SMYD2: variants seen among roughly 807,000 people sequenced by gnomAD.
SMYD2 encodes N-lysine methyltransferase SMYD2.
A neutral mutation model predicts 59.1 loss-of-function variants in SMYD2; 53 were observed. The observed-to-expected ratio is 0.90, with a 90% CI of 0.72 to 1.13. SMYD2 has a LOEUF of 1.13. Ranked by LOEUF, SMYD2 falls within the 50% of genes most tolerant of loss-of-function variation. The pLI is 0.00. For synonymous variants in SMYD2, 208 were observed against 198.8 expected (o/e 1.05, Z -0.39); for missense variants, 494 against 544.7 (o/e 0.91, Z 0.93).
At chr1:214,327,782 C>T in intron 7 of SMYD2, 58 bp downstream of exon 7, 1 of 1,389,890 alleles carries the variant, frequency 7.2e-7, no homozygotes, top group Non-Finnish European at 1.0e-6. Context: ...CTTTAAAAGG[C>T]AATGTGGACA....
intron 1 of SMYD2, among the ~76,000 whole-genome samples, chr1:214,294,920 G>T (rs545260433): frequency 6.6e-6 from 1 of 152,294 alleles, no homozygotes; most frequent in South Asian, 2.1e-4. Context: ...CTTTGGTTTT[G>T]TCATTTTCTT....
At chr1:214,336,275 G>A (rs1055766925) in intron 11 of SMYD2, among the ~76,000 whole-genome samples, 5 of 152,152 alleles carry the variant, frequency 3.3e-5, no homozygotes, top group Admixed American at 2.6e-4. Flanking sequence ...GCTCATGCCT[G>A]TAATCCCAGC....
rs190125924 is a variant in SMYD2, at chr1:214,312,162, G to A, written c.238-2600G>A. 2.0e-5 allele frequency among the ~76,000 whole-genome samples: 3 copies of A among 152,220 alleles called. No homozygotes were observed. The highest frequency in any genetic ancestry group is 1.9e-4 in the East Asian group (1 of 5,190). On this transcript the variant is annotated intron_variant, in intron 2 of 11. Coordinates refer to ENST00000366957, the MANE Select transcript of SMYD2 (RefSeq NM_020197.3). This position sits in a 1 kb window ranked among gnomAD's most constrained non-coding sequence, Gnocchi z 4.1. ...CCCTGCTCTTAGTTATATTTGGCGC[G>A]GCATTATTTAACTCTGCAGAACATC...
At chr1:214,310,932 G>A (rs559740566) in intron 2 of SMYD2, among the ~76,000 whole-genome samples, 6 of 152,160 alleles carry the variant, frequency 3.9e-5, no homozygotes, top group African/African-American at 1.4e-4. Context: ...AATTAAAGCT[G>A]TGCAGTGCCA....
intron 9 of SMYD2, chr1:214,331,786 G>C: frequency 7.7e-6 from 4 of 519,974 alleles, no homozygotes; most frequent in Non-Finnish European, 1.4e-5. Flanking sequence ...AGAACTAGGG[G>C]TCTGGACCCT....
chr1:214,335,670 G>A (rs888647981), intron 11 of SMYD2, among the ~76,000 whole-genome samples: 4 of 152,168 alleles, frequency 2.6e-5, no homozygotes, highest in African/African-American at 7.2e-5. Flanking sequence ...TATGCCAGGC[G>A]CTGTTCGAAA....
At position 214,318,125 on chromosome 1, in the gene SMYD2, A is replaced by T. The variant is rs754074404; in HGVS notation, c.395A>T (p.Lys132Met). The T allele has an allele frequency of 3.7e-5, 59 of 1,613,846 alleles. No homozygotes were observed. The highest frequency in any genetic ancestry group is 4.7e-5 in the Non-Finnish European group (56 of 1,180,008). Residue 132 changes from lysine (K) to methionine (M), a missense_variant, in exon 4 of 12, where the codon AAG (lysine) becomes ATG (methionine). Physicochemically the swap from Lys to Met is moderately conservative, Grantham distance 95 (BLOSUM62 -1). Transcript: ENST00000366957. This position sits in a 1 kb window ranked among gnomAD's most constrained non-coding sequence, Gnocchi z 5.4. ...CCTTCGGAAAAATTGTTAGCTGTGA[A>T]GGAGTTTGAATCACGTAAGTCTTTC... ...RTPSEKLLAV[K>M]EFESHLDKLD...
chr1:214,285,877 G>T (rs980500960), intron 1 of SMYD2, among the ~76,000 whole-genome samples: 1 of 152,198 alleles, frequency 6.6e-6, no homozygotes, highest in African/African-American at 2.4e-5. Flanking sequence ...TGTACAGCAT[G>T]TTACTGTACT....
In SMYD2 at chr1:214,332,017, C is replaced by T. The variant is rs1222684389; in HGVS notation, c.938-1C>T. The T allele has an allele frequency of 6.2e-7, 1 of 1,611,606 alleles. No individual in the cohort carries two copies. The highest frequency in any genetic ancestry group is 2.2e-5 in the East Asian group (1 of 44,860). On this transcript the variant is annotated splice_acceptor_variant, in intron 9 of 11. Transcript: ENST00000366957. LOFTEE classifies it high-confidence loss of function. ...TGGCCCTTTCCTTGACTCCACAGCACCCCCTAGTGAGCTGCTGGAGATCTG... is the reference window on the plus strand; with the variant it reads ...TGGCCCTTTCCTTGACTCCACAGCATCCCCTAGTGAGCTGCTGGAGATCTG...
intron 1 of SMYD2, among the ~76,000 whole-genome samples, chr1:214,301,787 AGC>A (rs1656828804): frequency 3.6e-5 from 5 of 140,592 alleles, no homozygotes; most frequent in Non-Finnish European, 6.3e-5. Context: ...AAAAAAAAAA[AGC>A]CAGGAATTTT....
chr1:214,324,288 C>T (rs1480415535), intron 5 of SMYD2, among the ~76,000 whole-genome samples: 1 of 152,118 alleles, frequency 6.6e-6, no homozygotes, highest in African/African-American at 2.4e-5. Flanking sequence ...GGCTTAAGAT[C>T]ATACAACAAA....
intron 3 of SMYD2, among the ~76,000 whole-genome samples, chr1:214,316,218 C>G (rs565825307): frequency 6.6e-6 from 1 of 152,120 alleles, no homozygotes; most frequent in African/African-American, 2.4e-5. Flanking sequence ...TACCTGTAAT[C>G]TTAGCACTTT....
At chr1:214,325,098 A>G (rs1284244376) in intron 6 of SMYD2, among the ~76,000 whole-genome samples, 3 of 152,246 alleles carry the variant, frequency 2.0e-5, no homozygotes, top group Non-Finnish European at 2.9e-5. Flanking sequence ...GCTTGAGTAC[A>G]GACTATATGA....
chr1:214,281,465 G>C, intron 1 of SMYD2, 38 bp downstream of exon 1: 2 of 1,341,382 alleles, frequency 1.5e-6, no homozygotes, highest in Non-Finnish European at 1.9e-6. Context: ...GCGGGAGCCG[G>C]GGGCGCCGAG....
rs1657016313 is a variant in SMYD2, at chr1:214,312,703, G to A, written c.238-2059G>A. Among the ~76,000 whole-genome samples the A allele has an allele frequency of 6.6e-6, 1 of 152,234 alleles. No individual in the cohort carries two copies. Among genetic ancestry groups the A allele is most frequent in the Admixed American group, 6.5e-5 (1 of 15,288 alleles). ...GCAGCCAGGACACTTCTGTGGCTAA[G>A]TGCAGTGAGGCAGGTGAGAGTACGG... is the stretch of plus-strand genomic sequence containing the variant. On this transcript the variant is annotated intron_variant, in intron 2 of 11. Transcript: ENST00000366957. This position sits in a 1 kb window ranked among gnomAD's most constrained non-coding sequence, Gnocchi z 4.1.
intron 2 of SMYD2, among the ~76,000 whole-genome samples, chr1:214,307,795 T>A (rs1209998320): frequency 1.3e-5 from 2 of 152,188 alleles, no homozygotes; most frequent in Non-Finnish European, 2.9e-5. Context: ...AAGCGTGCAA[T>A]GAGGGGTGTC....
intron 5 of SMYD2, among the ~76,000 whole-genome samples, chr1:214,323,441 T>C (rs1657204391): frequency 6.6e-6 from 1 of 151,450 alleles, no homozygotes; most frequent in African/African-American, 2.4e-5. Flanking sequence ...GCAACATTTC[T>C]TTTTTTTTGA....
intron 1 of SMYD2, among the ~76,000 whole-genome samples, chr1:214,304,172 G>C: frequency 6.6e-6 from 1 of 152,034 alleles, no homozygotes; most frequent in Non-Finnish European, 1.5e-5. Flanking sequence ...AAGTTGAATC[G>C]ACCCCATTAT....
In SMYD2 at chr1:214,312,579, G is replaced by A. The variant is rs954934427; in HGVS notation, c.238-2183G>A. Among the ~76,000 whole-genome samples, 1 of 152,204 alleles carries A rather than the reference G, an allele frequency of 6.6e-6. No individual in the cohort carries two copies. The highest frequency in any genetic ancestry group is 2.4e-5 in the African/African-American group (1 of 41,454). On this transcript the variant is annotated intron_variant, in intron 2 of 11. Coordinates refer to ENST00000366957, the MANE Select transcript of SMYD2 (RefSeq NM_020197.3). This position sits in a 1 kb window ranked among gnomAD's most constrained non-coding sequence, Gnocchi z 4.1. ...AGGTGACATTCCAGCAGCGGCTGGA[G>A]AGGAGGGAGGGAGTCACATGGATAT...
Sources: gnomAD v4.1 joint callset for allele counts (sites outside exome capture counted in the v4.1 genomes callset) on GRCh38, gnomAD v4.1.1 for gene constraint, Gnocchi (gnomAD v3.1) non-coding constraint, MANE v1.5 for transcripts, NCBI Gene and HGNC (gene_info 2026-07-23, HGNC 2026-07-21) for gene names.